RPL12: variants seen among roughly 807,000 people sequenced by gnomAD.
RPL12 encodes ribosomal protein L12.
In RPL12, 10 loss-of-function variants were observed where a neutral mutation model predicts 24.5. The observed-to-expected ratio is 0.41, with a 90% CI of 0.25 to 0.69. The LOEUF (loss-of-function observed/expected upper bound fraction) is 0.69, where lower values mean the gene tolerates loss of function less well. RPL12 is among the 30% of genes least tolerant of loss of function. The pLI, the probability that RPL12 is intolerant of heterozygous loss-of-function variation, is 0.33. For missense variants in RPL12, 137 were observed against 205.3 expected (o/e 0.67, Z 2.03); for synonymous variants, 74 against 76.1 (o/e 0.97, Z 0.14).
intron 1 of RPL12, 35 bp downstream of exon 1, chr9:127,451,246 C>T: frequency 1.9e-6 from 3 of 1,609,762 alleles, no homozygotes; most frequent in Non-Finnish European, 2.5e-6. Context: ...AGGGATGCTC[C>T]ATCCCGCAGC....
intron 4 of RPL12, chr9:127,448,979 G>GC (rs1311682802): frequency 2.9e-6 from 1 of 349,228 alleles, no homozygotes; most frequent in Non-Finnish European, 5.6e-6. Flanking sequence ...CTACAGGCGA[G>GC]CACCACCAGG....
chr9:127,448,234 C>G (rs539953081), intron 5 of RPL12, 103 bp downstream of exon 5: 36 of 1,077,560 alleles, frequency 3.3e-5, no homozygotes, highest in Non-Finnish European at 3.1e-5. Flanking sequence ...AAAACTGCAC[C>G]CCATCTTGGG....
chr9:127,450,420 G>A (rs1294934144), intron 2 of RPL12: 8 of 296,526 alleles, frequency 2.7e-5, no homozygotes, highest in Non-Finnish European at 4.4e-5. Context: ...ACTTCCTGAC[G>A]AGGAAATACA....
chr9:127,448,226 A>C (rs1444831516), intron 5 of RPL12, 111 bp downstream of exon 5: 2 of 1,042,990 alleles, frequency 1.9e-6, no homozygotes, highest in Non-Finnish European at 3.0e-6. Flanking sequence ...AGTCCCAGAA[A>C]ACTGCACCCC....
chr9:127,449,452 A>T, intron 3 of RPL12, 90 bp from the exon 4 acceptor site: 1 of 1,377,872 alleles, frequency 7.3e-7, no homozygotes, highest in East Asian at 2.3e-5. Flanking sequence ...CACACTGTCC[A>T]AGTCTTTGCC....
Position 127,447,686 on chromosome 9 carries a change from C to A in RPL12, c.*35G>T. On this transcript the variant is annotated 3_prime_UTR_variant, in exon 7 of 7. Transcript: ENST00000361436. ...CCACACCAGAAAATCCACCAGTTGT[C>A]AAATGATCCTTTATTGAAATGTTTT... is the stretch of plus-strand genomic sequence containing the variant. 6.2e-7 allele frequency: 1 copy of A among 1,613,062 alleles called. No homozygotes were observed. The highest frequency in any genetic ancestry group is 1.1e-5 in the South Asian group (1 of 90,828).
chr9:127,448,520 G>T, intron 4 of RPL12, 97 bp from the exon 5 acceptor site: 1 of 857,962 alleles, frequency 1.2e-6, no homozygotes. Flanking sequence ...CATGCTTTCG[G>T]CACAGAGTCA....
intron 1 of RPL12, 23 bp downstream of exon 1, chr9:127,451,258 C>T: frequency 6.2e-7 from 1 of 1,611,782 alleles, no homozygotes; most frequent in Non-Finnish European, 8.5e-7. Context: ...TCCCGCAGCC[C>T]CGGCCACAAC....
rs1564243456 is a variant in RPL12, at chr9:127,449,599, C to CA, written c.210+10dup. The CA allele has an allele frequency of 6.2e-7, 1 of 1,612,742 alleles. No individual in the cohort carries two copies. Among genetic ancestry groups the CA allele is most frequent in the African/African-American group, 1.3e-5 (1 of 75,008 alleles). On this transcript the variant is annotated intron_variant, in intron 3 of 6. Transcript: ENST00000361436. ...CACCCTCCTCTCCCGAAACCAAGCACAAGCAAATACCTGGGCCTGTCTGTT... is the reference window on the plus strand; with the variant it reads ...CACCCTCCTCTCCCGAAACCAAGCACAAAGCAAATACCTGGGCCTGTCTGTT...
At chr9:127,449,471 G>A (rs1402740965) in intron 3 of RPL12, 109 bp from the exon 4 acceptor site, 17 of 1,310,694 alleles carry the variant, frequency 1.3e-5, no homozygotes, top group Admixed American at 7.7e-5. Context: ...CCCTAGGTCC[G>A]TACTCTTGAC....
chr9:127,449,576 C>T (rs756130306), intron 3 of RPL12, 34 bp downstream of exon 3: 1 of 1,578,152 alleles, frequency 6.3e-7, no homozygotes, highest in Non-Finnish European at 8.7e-7. Context: ...TGTCCCCCCA[C>T]CCTCCTCTCC....
chr9:127,449,105 G>GT, intron 4 of RPL12, 176 bp downstream of exon 4: 1 of 556,466 alleles, frequency 1.8e-6, no homozygotes, highest in Non-Finnish European at 3.3e-6. Context: ...GATTACAGGT[G>GT]TGAGCCACCC....
intron 1 of RPL12, 27 bp from the exon 2 acceptor site, chr9:127,450,831 G>T (rs2247310): frequency 2.2e-5 from 33 of 1,513,420 alleles, no homozygotes; most frequent in Non-Finnish European, 2.7e-5. Flanking sequence ...GTTAGTGTCT[G>T]TGCAGAGGGA....
chr9:127,450,915 C>A, intron 1 of RPL12, 111 bp from the exon 2 acceptor site: 1 of 878,500 alleles, frequency 1.1e-6, no homozygotes, highest in Non-Finnish European at 1.8e-6. Flanking sequence ...CGAAACAGCA[C>A]AGAGCGCGAG....
At chr9:127,449,964 A>G in intron 2 of RPL12, 2 of 457,244 alleles carry the variant, frequency 4.4e-6, no homozygotes, top group Non-Finnish European at 8.1e-6. Flanking sequence ...GGGGATTTTC[A>G]GCCCTGCTGA....
chr9:127,451,001 G>T (rs1588085804), intron 1 of RPL12, 197 bp from the exon 2 acceptor site: 3 of 637,094 alleles, frequency 4.7e-6, no homozygotes, highest in Non-Finnish European at 2.7e-6. Context: ...GAGCCCCGTC[G>T]CCCGCTAACC....
intron 2 of RPL12, 194 bp from the exon 3 acceptor site, chr9:127,449,902 T>G (rs1310811446): frequency 1.7e-6 from 1 of 589,912 alleles, no homozygotes; most frequent in Admixed American, 2.8e-5. Context: ...AACTGCAGAC[T>G]TGGCCACAAT....
intron 4 of RPL12, 151 bp downstream of exon 4, chr9:127,449,130 T>C: frequency 1.6e-6 from 1 of 622,552 alleles, no homozygotes; most frequent in Non-Finnish European, 2.8e-6. Context: ...TACGTGGCAC[T>C]TTTTCATACT....
At chr9:127,451,209 G>A (rs1834302454) in intron 1 of RPL12, 72 bp downstream of exon 1, 4 of 1,584,630 alleles carry the variant, frequency 2.5e-6, no homozygotes, top group Non-Finnish European at 3.4e-6. Flanking sequence ...CCCATACGGG[G>A]AAAGCTTTGC....
Sources: gnomAD v4.1 joint callset for allele counts on GRCh38, gnomAD v4.1.1 for gene constraint, MANE v1.5 for transcripts, NCBI Gene and HGNC (gene_info 2026-07-23, HGNC 2026-07-21) for gene names.